RBM47: variants seen among roughly 807,000 people sequenced by gnomAD.
The protein encoded by RBM47 is RNA-binding protein 47.
RBM47 carries 21 observed loss-of-function variants against 47.1 expected under a neutral mutation model. The ratio of observed to expected loss-of-function variants is 0.45; its 90% confidence interval spans 0.32 to 0.64. The LOEUF (loss-of-function observed/expected upper bound fraction) is 0.64, where lower values mean the gene tolerates loss of function less well. Among genes scored for constraint, RBM47 ranks in the 30% least tolerant of loss-of-function variants. The pLI is 0.05. For missense variants in RBM47, 708 were observed against 870.9 expected (o/e 0.81, Z 2.35); for synonymous variants, 375 against 361.7 (o/e 1.04, Z -0.42).
intron 6 of RBM47, among the ~76,000 whole-genome samples, chr4:40,426,396 A>G (rs2154207911): frequency 6.6e-6 from 1 of 152,334 alleles, no homozygotes; most frequent in South Asian, 2.1e-4. Flanking sequence ...GCTGAGGGAA[A>G]GGTGAAATAC....
At chr4:40,475,794 T>C (rs1231902888) in intron 2 of RBM47, 1 of 152,230 alleles carries the variant, frequency 6.6e-6, no homozygotes, top group African/African-American at 2.4e-5. Context: ...CTGTTATACA[T>C]GGCACAGGGC....
chr4:40,441,294 T>C (rs1008694868), intron 3 of RBM47, among the ~76,000 whole-genome samples: 1 of 148,662 alleles, frequency 6.7e-6, no homozygotes, highest in South Asian at 2.2e-4. Context: ...AAGATCCCAA[T>C]TAAAATAGAG....
At chr4:40,524,877 T>A (rs146998139) in intron 2 of RBM47, among the ~76,000 whole-genome samples, 8 of 152,316 alleles carry the variant, frequency 5.3e-5, no homozygotes, top group Non-Finnish European at 1.0e-4. Flanking sequence ...TCCAAATGAA[T>A]CTGTACCAAC....
chr4:40,598,866 A>G (rs1734993202), intron 1 of RBM47, among the ~76,000 whole-genome samples: 4 of 129,830 alleles, frequency 3.1e-5, no homozygotes, highest in Non-Finnish European at 1.7e-5. Context: ...AAAAAAAAAA[A>G]GAGTTGGGGA....
rs140820623 is a variant in RBM47, at chr4:40,443,366, G to A, written c.-31-4442C>T. Among the ~76,000 whole-genome samples the A allele has an allele frequency of 4.5e-3, 678 of 152,124 alleles. 3 individuals are homozygous for A. The highest frequency in any genetic ancestry group is 7.8e-3 in the Non-Finnish European group (532 of 67,980). ...TAAAAAAAAGAAAAGGTTCAGAGAT[G>A]CAAAAAAGACAAAAATTAGAGTTGA... On this transcript the variant is annotated intron_variant, in intron 3 of 6. Transcript: ENST00000295971.
intron 1 of RBM47, among the ~76,000 whole-genome samples, chr4:40,550,377 T>C (rs142415799): frequency 6.6e-6 from 1 of 152,286 alleles, no homozygotes; most frequent in East Asian, 1.9e-4. Context: ...CACAGCTGGA[T>C]ACATGTGTTA....
intron 3 of RBM47, among the ~76,000 whole-genome samples, chr4:40,454,550 T>G (rs1321857300): frequency 1.3e-5 from 2 of 152,172 alleles, no homozygotes; most frequent in East Asian, 3.8e-4. Flanking sequence ...CAGGTTGGAG[T>G]GCAGTGGCAC....
intron 2 of RBM47, among the ~76,000 whole-genome samples, chr4:40,511,934 CAAAAAAAAAAAA>C (rs769931419): frequency 1.2e-5 from 1 of 85,516 alleles, no homozygotes; most frequent in Non-Finnish European, 2.5e-5. Flanking sequence ...GACTCTGTCT[CAAAAAAAAAAAA>C]AAGAAAAGAA....
chr4:40,581,441 T>TAAATAAATAAAA (rs1732923683), intron 1 of RBM47, among the ~76,000 whole-genome samples: 1 of 147,144 alleles, frequency 6.8e-6, no homozygotes, highest in African/African-American at 2.6e-5. Flanking sequence ...TAATAATAAA[T>TAAATAAATAAAA]AAATAAATAA....
chr4:40,593,220 G>A (rs781356135), intron 1 of RBM47, among the ~76,000 whole-genome samples: 6 of 148,534 alleles, frequency 4.0e-5, no homozygotes, highest in East Asian at 4.1e-4. Flanking sequence ...GAAGGGTCTC[G>A]ATCTCCTGAC....
chr4:40,621,261 C>T (rs1737240794), intron 1 of RBM47, among the ~76,000 whole-genome samples: 1 of 152,154 alleles, frequency 6.6e-6, no homozygotes, highest in South Asian at 2.1e-4. Context: ...TGGATCTAAA[C>T]AAGGCAAATG....
chr4:40,497,976 G>A (rs1461700759), intron 2 of RBM47, among the ~76,000 whole-genome samples: 1 of 148,778 alleles, frequency 6.7e-6, no homozygotes, highest in Non-Finnish European at 1.5e-5. Flanking sequence ...GGATGACAGA[G>A]CAAGACTCTA....
intron 1 of RBM47, among the ~76,000 whole-genome samples, chr4:40,612,482 C>T (rs943857023): frequency 1.4e-4 from 22 of 152,152 alleles, no homozygotes; most frequent in African/African-American, 4.6e-4. Flanking sequence ...ACTGCACTTG[C>T]ACTCCAGCCT....
chr4:40,570,933 C>T (rs1322250640), intron 1 of RBM47, among the ~76,000 whole-genome samples: 3 of 151,812 alleles, frequency 2.0e-5, no homozygotes, highest in African/African-American at 4.8e-5. Context: ...AAAATACTGA[C>T]GGCTGGGCGC....
intron 2 of RBM47, among the ~76,000 whole-genome samples, chr4:40,533,254 T>G (rs1239862748): frequency 4.0e-5 from 6 of 151,888 alleles, no homozygotes; most frequent in Non-Finnish European, 7.4e-5. Context: ...GCCAACATGG[T>G]GAAACCCCAT....
chr4:40,596,379 G>A (rs550229328), intron 1 of RBM47, among the ~76,000 whole-genome samples: 1 of 152,262 alleles, frequency 6.6e-6, no homozygotes, highest in South Asian at 2.1e-4. Flanking sequence ...TCACTTCCTG[G>A]TGCAGGCACA....
chr4:40,621,344 G>A (rs1161927086), intron 1 of RBM47, among the ~76,000 whole-genome samples: 1 of 152,218 alleles, frequency 6.6e-6, no homozygotes, highest in Non-Finnish European at 1.5e-5. Flanking sequence ...TTGTCCAAAG[G>A]AGAGAACGAA....
chr4:40,576,351 T>C (rs1052520540), intron 1 of RBM47, among the ~76,000 whole-genome samples: 1 of 151,812 alleles, frequency 6.6e-6, no homozygotes, highest in African/African-American at 2.4e-5. Flanking sequence ...AGATGGGGTC[T>C]TGCTATGTCG....
At chr4:40,486,358 C>T (rs16852254) in intron 2 of RBM47, among the ~76,000 whole-genome samples, 15,536 of 152,102 alleles carry the variant, frequency 0.1, 1,380 homozygotes, top group African/African-American at 0.24. Context: ...ACAATACATA[C>T]GAGCAAAGAT....
Sources: gnomAD v4.1 joint callset for allele counts (sites outside exome capture counted in the v4.1 genomes callset) on GRCh38, gnomAD v4.1.1 for gene constraint, MANE v1.5 for transcripts, NCBI Gene and HGNC (gene_info 2026-07-23, HGNC 2026-07-21) for gene names.